Variants in GNAO1 observed in about 807,000 individuals in gnomAD.
The protein encoded by GNAO1 is G protein subunit alpha o1.
For missense variants in GNAO1, 166 were observed against 478.7 expected, an observed-to-expected ratio of 0.35 and a Z score of 6.10; for synonymous variants, 164 against 180.7, an observed-to-expected ratio of 0.91 and a Z score of 0.74.
chr16:56,223,933 C>T (rs776300815), intron 2 of GNAO1, among the ~76,000 whole-genome samples: 3 of 152,188 alleles, frequency 2.0e-5, no homozygotes, highest in Admixed American at 6.5e-5. Context: ...TGAGGGGAAC[C>T]AGAAAGAGTA....
intron 2 of GNAO1, among the ~76,000 whole-genome samples, chr16:56,239,018 G>A (rs1475828589): frequency 6.6e-6 from 1 of 152,192 alleles, no homozygotes; most frequent in African/African-American, 2.4e-5. Flanking sequence ...ATGCCCTGCA[G>A]ACATCTCTGT....
At chr16:56,250,841 T>G (rs916571181) in intron 2 of GNAO1, among the ~76,000 whole-genome samples, 2 of 152,240 alleles carry the variant, frequency 1.3e-5, no homozygotes, top group Non-Finnish European at 2.9e-5. Context: ...TGCTTCTCAC[T>G]GATTCTGATT....
At chr16:56,200,538 C>G (rs1333141488) in intron 2 of GNAO1, among the ~76,000 whole-genome samples, 2 of 152,200 alleles carry the variant, frequency 1.3e-5, no homozygotes, top group Admixed American at 6.5e-5. Flanking sequence ...AGTAAGGTGG[C>G]TTGCTCAAGG....
intron 2 of GNAO1, among the ~76,000 whole-genome samples, chr16:56,208,442 TGTGTGTGC>T (rs747116529): frequency 0.029 from 3,189 of 109,908 alleles, 55 homozygotes; most frequent in South Asian, 0.087. Context: ...TGTGTGTGTG[TGTGTGTGC>T]GCGCGCGCGC....
intron 2 of GNAO1, among the ~76,000 whole-genome samples, chr16:56,249,228 C>G (rs1166592413): frequency 6.6e-6 from 1 of 152,122 alleles, no homozygotes; most frequent in Non-Finnish European, 1.5e-5. Flanking sequence ...GTGATGGTCT[C>G]TGAGATACAT....
At chr16:56,244,748 T>C (rs2036726934) in intron 2 of GNAO1, among the ~76,000 whole-genome samples, 1 of 152,128 alleles carries the variant, frequency 6.6e-6, no homozygotes, top group Non-Finnish European at 1.5e-5. Context: ...AAGGTGGATG[T>C]GCAGAGTGTG....
At chr16:56,224,025 T>C (rs961817030) in intron 2 of GNAO1, among the ~76,000 whole-genome samples, 2 of 152,194 alleles carry the variant, frequency 1.3e-5, no homozygotes, top group East Asian at 3.8e-4. Flanking sequence ...TTTCATCTTA[T>C]ACCTGGGAAT....
At chr16:56,192,747 CACA>C in intron 2 of GNAO1, 131 bp downstream of exon 2, 1 of 666,884 alleles carries the variant, frequency 1.5e-6, no homozygotes, top group East Asian at 2.8e-5. Context: ...CACACACACA[CACA>C]CCCCTATATT....
chr16:56,343,958 C>T (rs770606812), intron 6 of GNAO1: 12 of 1,612,056 alleles, frequency 7.4e-6, no homozygotes, highest in Admixed American at 5.0e-5. Flanking sequence ...TGAGCCCAGC[C>T]GCCCTGCCCG....
In GNAO1 at chr16:56,208,432, T is replaced by G. The variant is rs991098379; in HGVS notation, c.161+15816T>G. ...ATGCTGCTATCAATGTGTGTGTGTG[T>G]GTGTGTGTGTGTGTGTGCGCGCGCG... is the stretch of plus-strand genomic sequence containing the variant. On this transcript the variant is annotated intron_variant, in intron 2 of 8. Coordinates refer to ENST00000262493, the MANE Select transcript of GNAO1 (RefSeq NM_020988.3). 4.0e-5 allele frequency among the ~76,000 whole-genome samples: 4 copies of G among 99,626 alleles called. No homozygotes were observed. In the East Asian group the frequency reaches 1.4e-3, roughly 35 times the overall value. 65.4% of individuals were successfully genotyped at this position (99,626 alleles called of 152,430 possible).
chr16:56,334,434 AAAC>A (rs770468176), intron 4 of GNAO1, among the ~76,000 whole-genome samples: 2 of 152,240 alleles, frequency 1.3e-5, no homozygotes, highest in African/African-American at 2.4e-5. Context: ...AAAAATGACA[AAAC>A]AGTATTATAA....
In GNAO1 at chr16:56,356,233, G is replaced by A. The variant is rs1370195822; in HGVS notation, c.*159G>A. 6.6e-6 allele frequency: 1 copy of A among 152,610 alleles called. No homozygotes were observed. The highest frequency in any genetic ancestry group is 1.9e-4 in the East Asian group (1 of 5,198). The allele number at this position is 152,610 out of a possible 1,614,324, so 9.5% of individuals were successfully genotyped here. A position where few individuals can be genotyped will look rare whatever the true frequency, so the allele number is the denominator to read the frequency against. On this transcript the variant is annotated 3_prime_UTR_variant, in exon 9 of 9. Coordinates refer to ENST00000262493, the MANE Select transcript of GNAO1 (RefSeq NM_020988.3). ...CGACCCCAGAGTGACTGACGGCTGT[G>A]TATTTCTGTAGAATGCTGTAGAATC...
Position 56,328,553 on chromosome 16 carries a change from T to C in GNAO1, c.304-78T>C, listed in dbSNP as rs577234082. 2,195 of 1,460,782 alleles carry C rather than the reference T, an allele frequency of 1.5e-3. 12 individuals carry two copies. The highest frequency in any genetic ancestry group is 3.7e-3 in the South Asian group (301 of 81,418). The allele number at this position is 1,460,782 out of a possible 1,614,324, so 90.5% of individuals were successfully genotyped here. ...GCTGGGCTCTCATCACAGTCCCCGC[T>C]AGGGGAGAGCCCTTGGCTGGCAGAG... On this transcript the variant is annotated intron_variant, in intron 3 of 8. Coordinates refer to ENST00000262493, the MANE Select transcript of GNAO1 (RefSeq NM_020988.3).
At chr16:56,310,529 C>T (rs1681630001) in intron 3 of GNAO1, among the ~76,000 whole-genome samples, 1 of 152,138 alleles carries the variant, frequency 6.6e-6, no homozygotes, top group Non-Finnish European at 1.5e-5. Context: ...TGGCACAGCA[C>T]AGATCTCTAA....
intron 2 of GNAO1, chr16:56,194,038 G>A (rs1445973081): frequency 1.1e-5 from 5 of 437,220 alleles, no homozygotes; most frequent in Non-Finnish European, 2.4e-5. Context: ...GAACCAAGAT[G>A]CAAAAAATCT....
chr16:56,341,709 G>A (rs759003778), intron 6 of GNAO1, among the ~76,000 whole-genome samples: 2 of 152,168 alleles, frequency 1.3e-5, no homozygotes, highest in African/African-American at 2.4e-5. Context: ...TGGGGTGGGC[G>A]GGCAGCCAGG....
At chr16:56,227,687 C>CAAAAAAA (rs386384777) in intron 2 of GNAO1, among the ~76,000 whole-genome samples, 2 of 61,948 alleles carry the variant, frequency 3.2e-5, no homozygotes, top group Non-Finnish European at 2.9e-5. Flanking sequence ...GACCCTGTCT[C>CAAAAAAA]AAAAAAAAAA....
intron 2 of GNAO1, among the ~76,000 whole-genome samples, chr16:56,260,192 C>G (rs565229100): frequency 6.6e-6 from 1 of 152,180 alleles, no homozygotes; most frequent in Non-Finnish European, 1.5e-5. Context: ...TCAACAGAGG[C>G]TGCCGCTACT....
At chr16:56,192,765 T>TC (rs1451797402) in intron 2 of GNAO1, 149 bp downstream of exon 2, 1 of 590,876 alleles carries the variant, frequency 1.7e-6, no homozygotes, top group Non-Finnish European at 3.2e-6. Context: ...TATATTTGAC[T>TC]CCCCTCCCCC....
Sources: allele counts gnomAD v4.1 joint callset (sites outside exome capture counted in the v4.1 genomes callset), GRCh38; gene constraint gnomAD v4.1.1; transcripts MANE v1.5; gene names NCBI Gene and HGNC (gene_info 2026-07-23, HGNC 2026-07-21).